The following LRRC38 variants were observed in gnomAD, a reference collection of about 807,000 sequenced individuals.
The protein encoded by LRRC38 is leucine-rich repeat-containing protein 38.
A neutral mutation model predicts 16.4 loss-of-function variants in LRRC38; 5 were observed. The observed-to-expected ratio is 0.31, with a 90% CI of 0.16 to 0.64. The LOEUF (loss-of-function observed/expected upper bound fraction) is 0.64. Among genes scored for constraint, LRRC38 ranks in the 30% least tolerant of loss-of-function variants. LRRC38 has a pLI of 0.80. For synonymous variants in LRRC38, 191 were observed against 190.2 expected, an observed-to-expected ratio of 1.00 and a Z score of -0.04; for missense variants, 341 against 401.8, an observed-to-expected ratio of 0.85 and a Z score of 1.29.
At chr1:13,512,133 G>C (rs939092104) in intron 1 of LRRC38, among the ~76,000 whole-genome samples, 1 of 152,092 alleles carries the variant, frequency 6.6e-6, no homozygotes, top group African/African-American at 2.4e-5. Context: ...GAATCCACTT[G>C]GGGGAAGGAC....
chr1:13,483,261 C>T (rs1355778836), intron 1 of LRRC38, among the ~76,000 whole-genome samples: 1 of 152,212 alleles, frequency 6.6e-6, no homozygotes, highest in Non-Finnish European at 1.5e-5. Context: ...AAGCAATTCT[C>T]CTGCCTCAGC....
intron 1 of LRRC38, among the ~76,000 whole-genome samples, chr1:13,502,966 G>A (rs1202235981): frequency 1.3e-5 from 2 of 152,190 alleles, no homozygotes; most frequent in African/African-American, 4.8e-5. Flanking sequence ...CTCAAGGAGG[G>A]AAGTATTCTT....
rs146263209 is a variant in LRRC38 at position 13,501,858 on chromosome 1, G to A, written c.631+11105C>T. On this transcript the variant is annotated intron_variant, in intron 1 of 1. Transcript: ENST00000376085. ...GTGGCACGATCTGCACCATTCCTGGGTTCACACCATTCTCCTGCCTCAGCC... is the reference window on the plus strand; with the variant it reads ...GTGGCACGATCTGCACCATTCCTGGATTCACACCATTCTCCTGCCTCAGCC... 2.7e-3 allele frequency among the ~76,000 whole-genome samples: 415 copies of A among 152,210 alleles called. 1 individual carries two copies. Among genetic ancestry groups the A allele is most frequent in the Non-Finnish European group, 4.7e-3 (320 of 68,022 alleles).
intron 1 of LRRC38, among the ~76,000 whole-genome samples, chr1:13,490,783 C>T (rs1403930034): frequency 6.6e-6 from 1 of 152,132 alleles, no homozygotes; most frequent in Non-Finnish European, 1.5e-5. Flanking sequence ...GCTCAGAGCT[C>T]CACACGGCCT....
At chr1:13,504,865 A>G (rs949300876) in intron 1 of LRRC38, among the ~76,000 whole-genome samples, 129 of 150,822 alleles carry the variant, frequency 8.6e-4, no homozygotes, top group African/African-American at 2.8e-3. Context: ...AGAAAAAAGA[A>G]AAAGAGAAAG....
At position 13,475,698 on chromosome 1, in the gene LRRC38, G is replaced by C; in HGVS notation, c.*148C>G. On this transcript the variant is annotated 3_prime_UTR_variant, in exon 2 of 2. Transcript: ENST00000376085. This position sits in a 1 kb window ranked among gnomAD's most constrained non-coding sequence, Gnocchi z 4.3. ...AACTCTGAGATCAGTGGTCCCAGCAGGTGTACCCAGGGGCCAAGACACGGA... is the reference window on the plus strand; with the variant it reads ...AACTCTGAGATCAGTGGTCCCAGCACGTGTACCCAGGGGCCAAGACACGGA... 1.0e-6 allele frequency: 1 copy of C among 963,220 alleles called. No individual in the cohort carries two copies. Among genetic ancestry groups the C allele is most frequent in the Non-Finnish European group, 1.5e-6 (1 of 664,300 alleles). The allele number at this position is 963,220 out of a possible 1,614,324, so 59.7% of individuals were successfully genotyped here.
intron 1 of LRRC38, among the ~76,000 whole-genome samples, chr1:13,476,627 C>A (rs1334954111): frequency 6.6e-6 from 1 of 152,150 alleles, no homozygotes; most frequent in African/African-American, 2.4e-5. Context: ...CTGCACCCAG[C>A]CAGGTTTATT....
Position 13,513,549 on chromosome 1 carries a change from G to A in LRRC38, c.45C>T (p.Leu15=), listed in dbSNP as rs1466233349. ...GCGCGAGCAGCAGCAGAAGGCTGCA[G>A]AGCCCGAGCGCCGCGGCGGCGCAGG... ...APACAAAALG[L]CSLLLLLAPG... is the part of the protein sequence containing the mutation. Residue 15 remains leucine (L), a synonymous_variant, in exon 1 of 2, where the codon CTC becomes CTT. Coordinates refer to ENST00000376085, the MANE Select transcript of LRRC38 (RefSeq NM_001010847.2). The A allele has an allele frequency of 7.9e-7, 1 of 1,263,582 alleles. No homozygotes were observed. The highest frequency in any genetic ancestry group is 3.2e-5 in the South Asian group (1 of 31,028). The allele number at this position is 1,263,582 out of a possible 1,614,324, so 78.3% of individuals were successfully genotyped here. A position where few individuals can be genotyped will look rare whatever the true frequency, so the allele number is the denominator to read the frequency against.
At chr1:13,483,372 C>T (rs1395472081) in intron 1 of LRRC38, among the ~76,000 whole-genome samples, 1 of 152,216 alleles carries the variant, frequency 6.6e-6, no homozygotes, top group East Asian at 1.9e-4. Flanking sequence ...TGGTCTCAAA[C>T]TCCAGACCTC....
At chr1:13,501,663 G>A (rs1447786713) in intron 1 of LRRC38, among the ~76,000 whole-genome samples, 2 of 94,948 alleles carry the variant, frequency 2.1e-5, no homozygotes, top group African/African-American at 3.8e-5. Flanking sequence ...GCACGATCTT[G>A]GCTCACTGCA....
chr1:13,482,027 CAG>C (rs1638876090), intron 1 of LRRC38, among the ~76,000 whole-genome samples: 1 of 152,136 alleles, frequency 6.6e-6, no homozygotes, highest in Non-Finnish European at 1.5e-5. Flanking sequence ...CCTTCTAAGA[CAG>C]GCCTATTTTT....
intron 1 of LRRC38, among the ~76,000 whole-genome samples, chr1:13,492,860 G>A (rs906791577): frequency 5.3e-5 from 8 of 152,120 alleles, no homozygotes; most frequent in African/African-American, 1.2e-4. Flanking sequence ...CAGCATTCAC[G>A]ATTCTATTAT....
At chr1:13,489,509 T>TG (rs1638982435) in intron 1 of LRRC38, among the ~76,000 whole-genome samples, 1 of 151,562 alleles carries the variant, frequency 6.6e-6, no homozygotes, top group African/African-American at 2.4e-5. Context: ...ACTTGGAGTC[T>TG]GGACTGGAAC....
chr1:13,491,334 T>C (rs1336775331), intron 1 of LRRC38, among the ~76,000 whole-genome samples: 2 of 152,172 alleles, frequency 1.3e-5, no homozygotes, highest in Non-Finnish European at 2.9e-5. Context: ...AAATTTTTTA[T>C]TTTTTATTTT....
chr1:13,505,129 T>A (rs1042054986), intron 1 of LRRC38, among the ~76,000 whole-genome samples: 1 of 152,224 alleles, frequency 6.6e-6, no homozygotes, highest in Non-Finnish European at 1.5e-5. Flanking sequence ...GGAGTTAAAC[T>A]GAGACCTGTG....
rs868859015 is a variant in LRRC38, at chr1:13,481,646, T to C, written c.632-5547A>G. Among the ~76,000 whole-genome samples, 25 of 152,214 alleles carry C rather than the reference T, an allele frequency of 1.6e-4. 1 individual carries two copies. The highest frequency in any genetic ancestry group is 3.4e-3 in the Middle Eastern group (1 of 294). ...TCCTGACCTTGTGATCCGCCCGCCTTGGCCTCCCAAAGTACTGGGATTACA... is the reference window on the plus strand; with the variant it reads ...TCCTGACCTTGTGATCCGCCCGCCTCGGCCTCCCAAAGTACTGGGATTACA... On this transcript the variant is annotated intron_variant, in intron 1 of 1. Coordinates refer to ENST00000376085, the MANE Select transcript of LRRC38 (RefSeq NM_001010847.2).
chr1:13,490,595 C>T (rs988499787), intron 1 of LRRC38, among the ~76,000 whole-genome samples: 20 of 152,286 alleles, frequency 1.3e-4, no homozygotes, highest in East Asian at 5.8e-4. Context: ...CACCCCCACC[C>T]GCTCCATCAT....
intron 1 of LRRC38, among the ~76,000 whole-genome samples, chr1:13,501,616 T>C (rs146634060): frequency 3.9e-5 from 3 of 77,152 alleles, no homozygotes; most frequent in Admixed American, 1.3e-4. Flanking sequence ...TTGTTTGAGA[T>C]AGAGTCTCAC....
intron 1 of LRRC38, among the ~76,000 whole-genome samples, chr1:13,495,252 G>T (rs1282723222): frequency 6.6e-6 from 1 of 152,204 alleles, no homozygotes; most frequent in Non-Finnish European, 1.5e-5. Context: ...CCCACAGGAA[G>T]AGCTGTAGAA....
Sources: allele counts gnomAD v4.1 joint callset (sites outside exome capture counted in the v4.1 genomes callset), GRCh38; gene constraint gnomAD v4.1.1; non-coding constraint Gnocchi (gnomAD v3.1); transcripts MANE v1.5; gene names NCBI Gene and HGNC (gene_info 2026-07-23, HGNC 2026-07-21).